Variants in CCND3 observed in about 807,000 individuals in gnomAD.
CCND3 encodes cyclin D3.
CCND3 carries 9 observed loss-of-function variants against 28.7 expected under a neutral mutation model. That is an observed-to-expected ratio of 0.31 (90% CI 0.19 to 0.55). The LOEUF (loss-of-function observed/expected upper bound fraction) is 0.55, where lower values mean the gene tolerates loss of function less well. Ranked by LOEUF, CCND3 falls within the 20% of genes least tolerant of loss-of-function variation. The pLI, the probability that CCND3 is intolerant of heterozygous loss-of-function variation, is 0.93. For missense variants in CCND3, 315 were observed against 385.8 expected, an observed-to-expected ratio of 0.82 and a Z score of 1.54; for synonymous variants, 164 against 163.9, an observed-to-expected ratio of 1.00 and a Z score of 0.00.
intron 1 of CCND3, among the ~76,000 whole-genome samples, chr6:41,995,349 C>G (rs1285460649): frequency 6.6e-6 from 1 of 152,026 alleles, no homozygotes; most frequent in East Asian, 2.0e-4. Flanking sequence ...CCTCCACCTC[C>G]AGGGTTCAAG....
chr6:41,953,035 G>T (rs1308194955), intron 1 of CCND3, among the ~76,000 whole-genome samples: 2 of 152,154 alleles, frequency 1.3e-5, no homozygotes, highest in Admixed American at 1.3e-4. Flanking sequence ...ACTTTGGGAG[G>T]CCGAGCCAGG....
chr6:41,980,442 GA>G (rs1488854566), intron 1 of CCND3, among the ~76,000 whole-genome samples: 6 of 152,018 alleles, frequency 3.9e-5, no homozygotes, highest in African/African-American at 7.2e-5. Flanking sequence ...GGCCTTACTG[GA>G]AAATTCTAGC....
At chr6:41,962,812 G>A (rs1019948086) in intron 1 of CCND3, among the ~76,000 whole-genome samples, 4 of 152,118 alleles carry the variant, frequency 2.6e-5, no homozygotes, top group Non-Finnish European at 4.4e-5. Context: ...GCGCCATGGC[G>A]CAATCTTGGC....
chr6:41,950,789 A>C (rs545693660), intron 1 of CCND3, among the ~76,000 whole-genome samples: 1 of 150,904 alleles, frequency 6.6e-6, no homozygotes, highest in East Asian at 2.0e-4. Context: ...GCTCACGGCA[A>C]GCTCCGCCTC....
intron 1 of CCND3, among the ~76,000 whole-genome samples, chr6:41,978,779 T>C (rs906367954): frequency 6.6e-6 from 1 of 152,200 alleles, no homozygotes; most frequent in Non-Finnish European, 1.5e-5. Flanking sequence ...TGGTTAGGGG[T>C]GATTTAAAAT....
chr6:42,011,725 C>T (rs765509406), intron 1 of CCND3, among the ~76,000 whole-genome samples: 3 of 152,108 alleles, frequency 2.0e-5, no homozygotes, highest in Non-Finnish European at 2.9e-5. Flanking sequence ...ATGCATACAG[C>T]CATGAACAGA....
rs774090777 is a variant in CCND3 at position 42,000,564 on chromosome 6, C to CTTTTTTTTTTT, written c.-46+47926_-46+47936dup. Among the ~76,000 whole-genome samples, 50 of 85,516 alleles carry CTTTTTTTTTTT rather than the reference C, an allele frequency of 5.8e-4. 5 individuals are homozygous for CTTTTTTTTTTT. Among genetic ancestry groups the CTTTTTTTTTTT allele is most frequent in the African/African-American group, 6.9e-4 (14 of 20,228 alleles). The allele number at this position is 85,516 out of a possible 152,430, so 56.1% of individuals were successfully genotyped here. On this transcript the variant is annotated intron_variant, in intron 1 of 4. Coordinates refer to the CCND3 transcript ENST00000372988. ...TTTCTAATAACTGGGTGAAACGAATCTTTTTTTTTTTTTTTTTTCTGAGAC... is the reference window on the plus strand; with the variant it reads ...TTTCTAATAACTGGGTGAAACGAATCTTTTTTTTTTTTTTTTTTTTTTTTTTTTTCTGAGAC...
intron 1 of CCND3, among the ~76,000 whole-genome samples, chr6:41,951,491 G>A (rs1319951341): frequency 6.7e-6 from 1 of 148,682 alleles, no homozygotes; most frequent in Non-Finnish European, 1.5e-5. Context: ...GAACCCGGGA[G>A]GCAGAGCTTG....
intron 1 of CCND3, among the ~76,000 whole-genome samples, chr6:41,968,703 GCT>G (rs1274045407): frequency 1.3e-5 from 2 of 152,136 alleles, no homozygotes; most frequent in Non-Finnish European, 2.9e-5. Flanking sequence ...TGATGTTTCA[GCT>G]CTTTTTTCTA....
At chr6:41,961,294 C>G (rs1053147482) in intron 1 of CCND3, among the ~76,000 whole-genome samples, 2 of 152,094 alleles carry the variant, frequency 1.3e-5, no homozygotes, top group Non-Finnish European at 2.9e-5. Flanking sequence ...GCCAACAAAG[C>G]GTGGTGTCTC....
At chr6:41,953,259 C>T (rs11758590) in intron 1 of CCND3, among the ~76,000 whole-genome samples, 27,098 of 104,292 alleles carry the variant, frequency 0.26, 3,030 homozygotes, top group South Asian at 0.49. Flanking sequence ...AGTGAGACTC[C>T]CTCTCACAAA....
chr6:41,944,361 A>C (rs1776115347), upstream of CCND3, among the ~76,000 whole-genome samples: 1 of 151,646 alleles, frequency 6.6e-6, no homozygotes, highest in African/African-American at 2.4e-5. Flanking sequence ...CATTGTTTTT[A>C]CTAATTTTTG....
At chr6:42,027,119 A>G (rs1763897675) in intron 1 of CCND3, among the ~76,000 whole-genome samples, 1 of 152,090 alleles carries the variant, frequency 6.6e-6, no homozygotes, top group Admixed American at 6.6e-5. Flanking sequence ...TCAGCTTCCC[A>G]AGTGTCTGAG....
At chr6:41,959,860 G>A (rs1289294768) in intron 1 of CCND3, among the ~76,000 whole-genome samples, 6 of 151,656 alleles carry the variant, frequency 4.0e-5, no homozygotes, top group African/African-American at 1.5e-4. Context: ...GGAGGCTGAG[G>A]CAGGAGAATC....
chr6:41,954,250 T>TAAAAAAAAAAAAAAAAAAAAA lies in CCND3; in HGVS notation c.-45-13686_-45-13666dup, dbSNP rs34556754. On this transcript the variant is annotated intron_variant, in intron 1 of 4. Coordinates refer to the CCND3 transcript ENST00000372988. ...TGGGGTACAGAGCAAGATTCTGCCT[T>TAAAAAAAAAAAAAAAAAAAAA]AAAAAAAAAAAAAAAAAAAAAAAAA... 2.8e-3 allele frequency among the ~76,000 whole-genome samples: 97 copies of TAAAAAAAAAAAAAAAAAAAAA among 35,142 alleles called. 4 individuals carry two copies. The highest frequency in any genetic ancestry group is 5.2e-3 in the Admixed American group (14 of 2,692). 23.1% of individuals were successfully genotyped at this position (35,142 alleles called of 152,430 possible). A position where few individuals can be genotyped will look rare whatever the true frequency, so the allele number is the denominator to read the frequency against.
intron 1 of CCND3, among the ~76,000 whole-genome samples, chr6:42,007,403 C>T (rs764832092): frequency 1.3e-5 from 2 of 152,174 alleles, no homozygotes; most frequent in African/African-American, 4.8e-5. Flanking sequence ...AGGACAAGGG[C>T]TTAGTCAAGG....
intron 1 of CCND3, among the ~76,000 whole-genome samples, chr6:42,007,665 A>C (rs527486650): frequency 6.6e-6 from 1 of 152,320 alleles, no homozygotes; most frequent in South Asian, 2.1e-4. Flanking sequence ...TGACGTAAAA[A>C]ATTTCAGGAC....
In CCND3 at chr6:41,936,192, C is replaced by G. The variant is rs891319807; in HGVS notation, c.712-85G>C. The G allele has an allele frequency of 8.8e-5, 126 of 1,433,444 alleles. No homozygotes were observed. Among genetic ancestry groups the G allele is most frequent in the Non-Finnish European group, 1.1e-4 (120 of 1,068,124 alleles). The allele number at this position is 1,433,444 out of a possible 1,614,324, so 88.8% of individuals were successfully genotyped here. On this transcript the variant is annotated intron_variant, in intron 4 of 4. Transcript: ENST00000372991. The surrounding 1 kb of genome is among the most constrained non-coding windows in gnomAD (Gnocchi z 4.4). ...TGCAGGGGAAGGACAGCTCCCAACA[C>G]ATGGGGAAGTCTGGGGAGGTTAGGC...
chr6:41,980,317 G>T (rs6458253), intron 1 of CCND3, among the ~76,000 whole-genome samples: 150,706 of 152,158 alleles, frequency 0.99, 74,645 homozygotes, highest in Middle Eastern at 1. Flanking sequence ...TGTATTTTTA[G>T]TTGAGACGGG....
Sources: allele counts gnomAD v4.1 joint callset (sites outside exome capture counted in the v4.1 genomes callset), GRCh38; gene constraint gnomAD v4.1.1; non-coding constraint Gnocchi (gnomAD v3.1); transcripts MANE v1.5; gene names NCBI Gene and HGNC (gene_info 2026-07-23, HGNC 2026-07-21).